Variants in PPARGC1A observed in about 807,000 individuals in gnomAD.
PPARGC1A encodes the protein peroxisome proliferator-activated receptor gamma coactivator 1-alpha.
PPARGC1A carries 25 observed loss-of-function variants against 88.7 expected under a neutral mutation model. That is an observed-to-expected ratio of 0.28 (90% CI 0.21 to 0.39). The LOEUF (loss-of-function observed/expected upper bound fraction) is 0.39. Ranked by LOEUF, PPARGC1A falls within the 10% of genes least tolerant of loss-of-function variation. The pLI is 1.00. For synonymous variants in PPARGC1A, 363 were observed against 355.6 expected, an observed-to-expected ratio of 1.02 and a Z score of -0.24; for missense variants, 880 against 968.7, an observed-to-expected ratio of 0.91 and a Z score of 1.22.
At chr4:23,897,769 G>T (rs1718782980) in intron 1 of PPARGC1A, among the ~76,000 whole-genome samples, 1 of 152,202 alleles carries the variant, frequency 6.6e-6, no homozygotes. Context: ...TCAACCACAG[G>T]TATTGGCTCT....
chr4:24,215,931 G>T, the PPARGC1A span, among the ~76,000 whole-genome samples: 3,698 of 152,220 alleles, frequency 0.024, 90 homozygotes, highest in East Asian at 0.057. Context: ...TAGAAAAAGT[G>T]AGATAAATAA....
At chr4:23,802,880 C>G (rs941590899) in intron 10 of PPARGC1A, among the ~76,000 whole-genome samples, 3 of 152,074 alleles carry the variant, frequency 2.0e-5, no homozygotes, top group African/African-American at 4.8e-5. Context: ...CTCTTCACCT[C>G]TACTCTTTTC....
chr4:24,168,138 A>G, the PPARGC1A span, among the ~76,000 whole-genome samples: 1 of 152,256 alleles, frequency 6.6e-6, no homozygotes. Flanking sequence ...TAGTATAAAA[A>G]TAACTTTTAT....
chr4:24,294,014 A>G, the PPARGC1A span, among the ~76,000 whole-genome samples: 13 of 152,330 alleles, frequency 8.5e-5, no homozygotes, highest in East Asian at 1.5e-3. Flanking sequence ...GAAAATCTAT[A>G]TAACTGGCCC....
chr4:24,146,829 C>T, the PPARGC1A span, among the ~76,000 whole-genome samples: 4 of 152,176 alleles, frequency 2.6e-5, no homozygotes, highest in Non-Finnish European at 4.4e-5. Context: ...GAGGAAGCAC[C>T]CCTGGTGGCT....
At chr4:23,963,113 G>T in the PPARGC1A span, among the ~76,000 whole-genome samples, 1 of 152,128 alleles carries the variant, frequency 6.6e-6, no homozygotes, top group Non-Finnish European at 1.5e-5. Context: ...TCCTGACATG[G>T]TGGAGACCCC....
At chr4:24,448,292 G>T in the PPARGC1A span, among the ~76,000 whole-genome samples, 2 of 152,168 alleles carry the variant, frequency 1.3e-5, no homozygotes, top group African/African-American at 4.8e-5. Context: ...TCCCTAGAAT[G>T]CTGGTAAGCA....
the PPARGC1A span, among the ~76,000 whole-genome samples, chr4:24,033,800 A>T: frequency 5.9e-5 from 9 of 152,192 alleles, no homozygotes; most frequent in African/African-American, 2.2e-4. Flanking sequence ...AGTTCTGCAG[A>T]AATGGTTTCA....
At chr4:23,974,135 A>T in the PPARGC1A span, among the ~76,000 whole-genome samples, 1 of 152,162 alleles carries the variant, frequency 6.6e-6, no homozygotes, top group Non-Finnish European at 1.5e-5. Context: ...TAGTTGCACC[A>T]TGTCCAATAT....
chr4:24,364,398 T>G, the PPARGC1A span, among the ~76,000 whole-genome samples: 252 of 152,284 alleles, frequency 1.7e-3, 3 homozygotes, highest in African/African-American at 5.8e-3. Flanking sequence ...CGTTTAAAGG[T>G]GCAAGCACTG....
At chr4:24,391,329 A>G in the PPARGC1A span, among the ~76,000 whole-genome samples, 1 of 152,146 alleles carries the variant, frequency 6.6e-6, no homozygotes, top group African/African-American at 2.4e-5. Context: ...TCATCAAGAA[A>G]TCTTTTCCCC....
chr4:24,387,605 C>G, the PPARGC1A span, among the ~76,000 whole-genome samples: 8 of 151,644 alleles, frequency 5.3e-5, no homozygotes, highest in Non-Finnish European at 1.2e-4. Flanking sequence ...ATGCTGGTAG[C>G]GCATGCTGGT....
chr4:24,000,163 T>C, the PPARGC1A span, among the ~76,000 whole-genome samples: 381 of 152,248 alleles, frequency 2.5e-3, no homozygotes, highest in African/African-American at 8.8e-3. Context: ...ATGACAACAA[T>C]GTCTTCCACA....
intron 7 of PPARGC1A, among the ~76,000 whole-genome samples, chr4:23,820,151 T>C (rs915147454): frequency 1.3e-5 from 2 of 152,136 alleles, no homozygotes; most frequent in Non-Finnish European, 2.9e-5. Flanking sequence ...AAGTACACTT[T>C]GAATGACTGC....
the PPARGC1A span, among the ~76,000 whole-genome samples, chr4:24,437,961 C>T: frequency 6.6e-6 from 1 of 152,074 alleles, no homozygotes. Flanking sequence ...ACAGGCCTGA[C>T]CCACTGTGCC....
chr4:23,986,861 T>C, the PPARGC1A span, among the ~76,000 whole-genome samples: 3 of 152,064 alleles, frequency 2.0e-5, no homozygotes. Flanking sequence ...AAAGAGAGAA[T>C]TACAAACAAA....
the PPARGC1A span, among the ~76,000 whole-genome samples, chr4:24,038,761 C>T: frequency 6.6e-6 from 1 of 152,198 alleles, no homozygotes; most frequent in East Asian, 1.9e-4. Flanking sequence ...AGCAATGGAC[C>T]CAGCTCCAGT....
At chr4:23,952,989 T>A in the PPARGC1A span, among the ~76,000 whole-genome samples, 2 of 152,192 alleles carry the variant, frequency 1.3e-5, no homozygotes, top group East Asian at 3.9e-4. Flanking sequence ...CTATAATGCA[T>A]TACAACCTTC....
the PPARGC1A span, among the ~76,000 whole-genome samples, chr4:24,027,716 T>G: frequency 6.6e-6 from 1 of 152,194 alleles, no homozygotes; most frequent in Non-Finnish European, 1.5e-5. Context: ...ATCAGTACCA[T>G]GTCCAACATG....
Sources: allele counts gnomAD v4.1 joint callset (sites outside exome capture counted in the v4.1 genomes callset), GRCh38; gene constraint gnomAD v4.1.1; transcripts MANE v1.5; gene names NCBI Gene and HGNC (gene_info 2026-07-23, HGNC 2026-07-21).